ATAD2B: variants seen among roughly 807,000 people sequenced by gnomAD.
ATAD2B encodes ATPase family AAA domain-containing protein 2B.
In ATAD2B, 40 loss-of-function variants were observed where a neutral mutation model predicts 167.6. The ratio of observed to expected loss-of-function variants is 0.24; its 90% CI spans 0.19 to 0.31. The LOEUF is 0.31. Ranked by LOEUF, ATAD2B falls within the 10% of genes least tolerant of loss-of-function variation. The probability of loss-of-function intolerance (pLI) is 1.00; values close to 1 mark genes in which losing one functional copy is unlikely to be tolerated. For missense variants in ATAD2B, 1,242 were observed against 1,757.2 expected, an observed-to-expected ratio of 0.71 and a Z score of 5.24; for synonymous variants, 579 against 596.5, an observed-to-expected ratio of 0.97 and a Z score of 0.43.
chr2:23,725,227 G>A, the ATAD2B span, among the ~76,000 whole-genome samples: 63 of 152,032 alleles, frequency 4.1e-4, no homozygotes, highest in African/African-American at 1.1e-3. Flanking sequence ...CATATTCTTC[G>A]GAAATAAAGG....
chr2:23,791,483 T>G (rs75334541), intron 19 of ATAD2B, among the ~76,000 whole-genome samples: 3 of 150,334 alleles, frequency 2.0e-5, no homozygotes, highest in Admixed American at 6.6e-5. Flanking sequence ...TTTTTTTTTT[T>G]GCAGCTTTCA....
At chr2:23,797,410 AAATACGTGTATTAGTAATAACATTC>A (rs1198630433) in intron 19 of ATAD2B, among the ~76,000 whole-genome samples, 2 of 152,142 alleles carry the variant, frequency 1.3e-5, no homozygotes, top group East Asian at 3.8e-4. Flanking sequence ...CAGATTTGAA[AAATACGTGTATTAGTAATAACATTC>A]AAGTTAACAT....
At chr2:23,718,190 A>C in the ATAD2B span, among the ~76,000 whole-genome samples, 1 of 152,124 alleles carries the variant, frequency 6.6e-6, no homozygotes, top group Non-Finnish European at 1.5e-5. Flanking sequence ...TCAAAGAATG[A>C]CCCACAGGGT....
chr2:23,867,282 G>C (rs1234106909), intron 10 of ATAD2B, among the ~76,000 whole-genome samples: 1 of 152,130 alleles, frequency 6.6e-6, no homozygotes, highest in Non-Finnish European at 1.5e-5. Context: ...ACCTAAGCTA[G>C]AAACCTGGGT....
chr2:23,833,106 G>A (rs1036748774), intron 14 of ATAD2B, among the ~76,000 whole-genome samples: 2 of 152,226 alleles, frequency 1.3e-5, no homozygotes, highest in African/African-American at 4.8e-5. Context: ...ACTGGTGACT[G>A]TGGAGACTGA....
At chr2:23,737,004 T>C in the ATAD2B span, among the ~76,000 whole-genome samples, 2 of 152,154 alleles carry the variant, frequency 1.3e-5, no homozygotes, top group African/African-American at 4.8e-5. Context: ...GAGGGGCGCC[T>C]GCATTGCTGA....
chr2:23,752,555 C>T (rs757497477), intron 27 of ATAD2B, among the ~76,000 whole-genome samples: 6 of 151,236 alleles, frequency 4.0e-5, no homozygotes, highest in Non-Finnish European at 4.4e-5. Context: ...ATTGAACAAA[C>T]GTATTACTAT....
chr2:23,860,291 G>A (rs553834903), intron 12 of ATAD2B, among the ~76,000 whole-genome samples: 7 of 152,150 alleles, frequency 4.6e-5, no homozygotes, highest in South Asian at 2.1e-4. Flanking sequence ...CTGTTCTAAC[G>A]GCACAAAACA....
intron 14 of ATAD2B, chr2:23,832,488 A>G (rs890996722): frequency 1.2e-5 from 2 of 167,026 alleles, no homozygotes; most frequent in African/African-American, 4.8e-5. Flanking sequence ...AACTAAGACT[A>G]AATAAAATTT....
chr2:23,886,910 G>T (rs1307434554), intron 4 of ATAD2B, among the ~76,000 whole-genome samples: 1 of 146,992 alleles, frequency 6.8e-6, no homozygotes, highest in Non-Finnish European at 1.5e-5. Flanking sequence ...CAGCCTGGGT[G>T]ACAGAGCGAG....
intron 1 of ATAD2B, among the ~76,000 whole-genome samples, chr2:23,898,824 G>A (rs1700438580): frequency 6.6e-6 from 1 of 152,092 alleles, no homozygotes; most frequent in Non-Finnish European, 1.5e-5. Context: ...GCAACGTAAT[G>A]AGACCTTATC....
chr2:23,798,332 G>T lies in ATAD2B; in HGVS notation c.2455-9C>A. 6.4e-7 allele frequency: 1 copy of T among 1,559,792 alleles called. No homozygotes were observed. Among genetic ancestry groups the T allele is most frequent in the Non-Finnish European group, 8.7e-7 (1 of 1,148,124 alleles). ...CGAGCTTCACGAAAAATCTAATTAA[G>T]GAAAAAAACCAACATTAAACAACTC... On this transcript the variant is annotated splice_polypyrimidine_tract_variant and intron_variant, in intron 18 of 27. Transcript: ENST00000238789.
chr2:23,912,550 T>G (rs1268823931), intron 1 of ATAD2B, among the ~76,000 whole-genome samples: 1 of 151,978 alleles, frequency 6.6e-6, no homozygotes, highest in African/African-American at 2.4e-5. Flanking sequence ...GTTTGGAAAG[T>G]AAGCAACATA....
chr2:23,711,964 G>A, the ATAD2B span, among the ~76,000 whole-genome samples: 8 of 152,234 alleles, frequency 5.3e-5, no homozygotes, highest in East Asian at 1.2e-3. Flanking sequence ...CACCCTTTAA[G>A]AAGACGAAAC....
At chr2:23,843,132 T>A (rs767541792) in intron 13 of ATAD2B, among the ~76,000 whole-genome samples, 1 of 152,232 alleles carries the variant, frequency 6.6e-6, no homozygotes, top group Non-Finnish European at 1.5e-5. Context: ...CTTAAATGCA[T>A]GAAAATCACA....
intron 6 of ATAD2B, among the ~76,000 whole-genome samples, chr2:23,882,111 A>T (rs1162691794): frequency 6.6e-6 from 1 of 152,200 alleles, no homozygotes; most frequent in East Asian, 1.9e-4. Context: ...TCTAGTCCCA[A>T]ATACTTAGGA....
At chr2:23,922,701 C>CAAAAAAA (rs11386515) in intron 1 of ATAD2B, among the ~76,000 whole-genome samples, 2 of 126,466 alleles carry the variant, frequency 1.6e-5, no homozygotes, top group African/African-American at 6.4e-5. Flanking sequence ...GACTCTGTCT[C>CAAAAAAA]AAAAAAAAAA....
At chr2:23,920,780 G>A (rs1363817874) in intron 1 of ATAD2B, among the ~76,000 whole-genome samples, 1 of 151,960 alleles carries the variant, frequency 6.6e-6, no homozygotes, top group African/African-American at 2.4e-5. Context: ...GTACTTCCAT[G>A]TAACTTTTTA....
intron 23 of ATAD2B, among the ~76,000 whole-genome samples, chr2:23,762,749 T>C (rs1373419060): frequency 6.6e-6 from 1 of 152,220 alleles, no homozygotes; most frequent in African/African-American, 2.4e-5. Context: ...TTCAAAATGC[T>C]ATTTGCTTCC....
Sources: gnomAD v4.1 joint callset for allele counts (sites outside exome capture counted in the v4.1 genomes callset) on GRCh38, gnomAD v4.1.1 for gene constraint, MANE v1.5 for transcripts, NCBI Gene and HGNC (gene_info 2026-07-23, HGNC 2026-07-21) for gene names.